LEKR1: variants seen among roughly 807,000 people sequenced by gnomAD.
LEKR1 encodes leucine, glutamate and lysine rich 1.
LEKR1 carries 59 observed loss-of-function variants against 72.4 expected under a neutral mutation model. The ratio of observed to expected loss-of-function variants is 0.82; its 90% CI spans 0.66 to 1.01. The LOEUF (loss-of-function observed/expected upper bound fraction) is 1.01. LEKR1 is among the 50% of genes least tolerant of loss of function. The pLI, the probability that LEKR1 is intolerant of heterozygous loss-of-function variation, is 0.00. For synonymous variants in LEKR1, 257 were observed against 263.2 expected, an observed-to-expected ratio of 0.98 and a Z score of 0.23; for missense variants, 728 against 759.2, an observed-to-expected ratio of 0.96 and a Z score of 0.48.
At chr3:156,859,826 G>A (rs1418229592) in intron 3 of LEKR1, among the ~76,000 whole-genome samples, 4 of 152,144 alleles carry the variant, frequency 2.6e-5, no homozygotes, top group Admixed American at 6.6e-5. Context: ...TATACTGTTG[G>A]TGTTTGGCTG....
At chr3:156,861,044 T>C (rs553641491) in intron 3 of LEKR1, among the ~76,000 whole-genome samples, 1 of 152,040 alleles carries the variant, frequency 6.6e-6, no homozygotes, top group Non-Finnish European at 1.5e-5. Context: ...TGCAGAGGAG[T>C]CTGAGGCATT....
chr3:156,998,325 T>C (rs1259523884), intron 9 of LEKR1, among the ~76,000 whole-genome samples: 1 of 152,128 alleles, frequency 6.6e-6, no homozygotes, highest in Non-Finnish European at 1.5e-5. Flanking sequence ...TGTACAAATA[T>C]ATTTTATAAG....
intron 5 of LEKR1, among the ~76,000 whole-genome samples, chr3:156,930,105 C>T (rs1725070194): frequency 6.6e-6 from 1 of 152,006 alleles, no homozygotes; most frequent in Non-Finnish European, 1.5e-5. Flanking sequence ...CAGATGCATA[C>T]CAAATTATGC....
chr3:156,873,206 G>C (rs1173577561), intron 3 of LEKR1, among the ~76,000 whole-genome samples: 1 of 151,846 alleles, frequency 6.6e-6, no homozygotes, highest in South Asian at 2.1e-4. Context: ...TTGACTTAAA[G>C]TCTGTTTTAT....
rs776638757 is a variant in LEKR1, at chr3:156,915,614, G to GT, written c.264-4953dup. ...CACTTTTTAACGGGGTTGTTTGTTT[G>GT]TTTTTTTTCTTGTAAATTTGAGTTC... On this transcript the variant is annotated intron_variant, in intron 3 of 12. Transcript: ENST00000356539. Among the ~76,000 whole-genome samples, 795 of 150,672 alleles carry GT rather than the reference G, an allele frequency of 5.3e-3. 3 individuals carry two copies. Among genetic ancestry groups the GT allele is most frequent in the Non-Finnish European group, 7.4e-3 (499 of 67,408 alleles).
intron 3 of LEKR1, among the ~76,000 whole-genome samples, chr3:156,863,740 T>C (rs1400712977): frequency 2.0e-5 from 3 of 152,084 alleles, no homozygotes; most frequent in Non-Finnish European, 4.4e-5. Flanking sequence ...TTTTATATGA[T>C]ATCACTATTC....
At chr3:156,881,056 A>G (rs1302055631) in intron 3 of LEKR1, among the ~76,000 whole-genome samples, 1 of 152,220 alleles carries the variant, frequency 6.6e-6, no homozygotes, top group Non-Finnish European at 1.5e-5. Flanking sequence ...CTGAATGGGC[A>G]AAAACTGGAA....
intron 3 of LEKR1, among the ~76,000 whole-genome samples, chr3:156,914,591 C>T (rs1723422437): frequency 6.6e-6 from 1 of 152,120 alleles, no homozygotes; most frequent in Non-Finnish European, 1.5e-5. Flanking sequence ...GGTTCCAAGT[C>T]TTTGCATTGT....
intron 5 of LEKR1, among the ~76,000 whole-genome samples, chr3:156,932,786 T>C (rs1483547908): frequency 6.6e-6 from 1 of 151,600 alleles, no homozygotes; most frequent in Non-Finnish European, 1.5e-5. Context: ...ATCCCGGCAA[T>C]TTGGGAGGCC....
chr3:156,995,276 T>C (rs1184952982), intron 9 of LEKR1, among the ~76,000 whole-genome samples: 2 of 152,238 alleles, frequency 1.3e-5, no homozygotes, highest in African/African-American at 4.8e-5. Flanking sequence ...CTTGGATGTA[T>C]ATGTTTTGCC....
At position 157,028,155 on chromosome 3, in the gene LEKR1, C is replaced by G. The variant is rs752510733; in HGVS notation, c.1421C>G (p.Thr474Ser). ...ATRDLRQEVT[T>S]LKEKLHKSHI... ...AGAGATCTAAGGCAGGAAGTGACCACTCTTAAAGAAAAACTTCACAAATCC... is the reference window on the plus strand; with the variant it reads ...AGAGATCTAAGGCAGGAAGTGACCAGTCTTAAAGAAAAACTTCACAAATCC... Residue 474 changes from threonine (T) to serine (S), a missense_variant, in exon 12 of 13, where the codon ACT becomes AGT. Physicochemically the swap from Thr to Ser is moderately conservative, Grantham distance 58 (BLOSUM62 1). Coordinates refer to ENST00000356539, the MANE Select transcript of LEKR1 (RefSeq NM_001004316.3). The G allele has an allele frequency of 6.2e-7, 1 of 1,610,518 alleles. No individual in the cohort carries two copies. Among genetic ancestry groups the G allele is most frequent in the South Asian group, 1.1e-5 (1 of 90,418 alleles).
intron 4 of LEKR1, among the ~76,000 whole-genome samples, chr3:156,924,016 C>T (rs989511990): frequency 3.9e-5 from 6 of 152,140 alleles, no homozygotes; most frequent in Admixed American, 6.5e-5. Flanking sequence ...CGTGAGCTAC[C>T]GCGCCCTGCC....
Position 156,832,107 on chromosome 3 carries a change from G to A in LEKR1, c.48+2730G>A, listed in dbSNP as rs560239430. Among the ~76,000 whole-genome samples the A allele has an allele frequency of 6.6e-5, 10 of 152,320 alleles. No individual in the cohort carries two copies. The East Asian group carries it at 1.7e-3, about 26-fold the overall frequency. ...TGTAATTGTTGGTATGTATTCATGT[G>A]TGCCAGGTTGAGATCCCAAGGTCTG... On this transcript the variant is annotated intron_variant, in intron 2 of 12. Transcript: ENST00000356539.
At chr3:156,830,627 G>T (rs1576621603) in intron 2 of LEKR1, among the ~76,000 whole-genome samples, 2 of 152,184 alleles carry the variant, frequency 1.3e-5, no homozygotes, top group East Asian at 3.9e-4. Context: ...TTTTATGTGG[G>T]TGCAGAATTG....
At chr3:156,866,070 C>A (rs1186746963) in intron 3 of LEKR1, among the ~76,000 whole-genome samples, 1 of 152,052 alleles carries the variant, frequency 6.6e-6, no homozygotes, top group Non-Finnish European at 1.5e-5. Context: ...TTTCTATCAC[C>A]TAACAGTGTC....
At chr3:157,032,109 A>G (rs1408187804) in intron 12 of LEKR1, among the ~76,000 whole-genome samples, 1 of 152,036 alleles carries the variant, frequency 6.6e-6, no homozygotes, top group African/African-American at 2.4e-5. Context: ...GAAAGTTAAT[A>G]TGTTAGAGAA....
At chr3:157,009,278 T>C (rs990561092) in intron 9 of LEKR1, among the ~76,000 whole-genome samples, 7 of 152,166 alleles carry the variant, frequency 4.6e-5, no homozygotes, top group African/African-American at 1.7e-4. Context: ...TGTCTTAAAA[T>C]GTTATCACAG....
intron 3 of LEKR1, among the ~76,000 whole-genome samples, chr3:156,888,952 A>T (rs1720380252): frequency 6.6e-6 from 1 of 152,166 alleles, no homozygotes; most frequent in African/African-American, 2.4e-5. Context: ...AGGAAAGCTT[A>T]TTTTCTAGTA....
chr3:156,871,211 G>T (rs572880433), intron 3 of LEKR1, among the ~76,000 whole-genome samples: 2 of 151,980 alleles, frequency 1.3e-5, no homozygotes, highest in South Asian at 2.1e-4. Flanking sequence ...GCGGTGTTTG[G>T]TTTTTTGTTC....
Sources: gnomAD v4.1 joint callset for allele counts (sites outside exome capture counted in the v4.1 genomes callset) on GRCh38, gnomAD v4.1.1 for gene constraint, MANE v1.5 for transcripts, NCBI Gene and HGNC (gene_info 2026-07-23, HGNC 2026-07-21) for gene names.